DAZAP1: variants seen among roughly 807,000 people sequenced by gnomAD.
DAZAP1 encodes the protein DAZ associated protein 1, also known as DAZ-associated protein 1.
In DAZAP1, 6 loss-of-function variants were observed where a neutral mutation model predicts 60.1. The observed-to-expected ratio is 0.10, with a 90% CI of 0.05 to 0.20. DAZAP1 has a LOEUF of 0.20. Ranked by LOEUF, DAZAP1 falls within the 10% of genes least tolerant of loss-of-function variation. The probability of loss-of-function intolerance (pLI) is 1.00; values close to 1 mark genes in which losing one functional copy is unlikely to be tolerated. For missense variants in DAZAP1, 366 were observed against 560.4 expected (o/e 0.65, Z 3.50); for synonymous variants, 235 against 215.9 (o/e 1.09, Z -0.78).
At position 1,407,619 on chromosome 19, in the gene DAZAP1, A is replaced by AGCC. The variant is rs878911770; in HGVS notation, c.-114_-112dup. The AGCC allele has an allele frequency of 0.14, 34,149 of 239,236 alleles. 2,986 individuals are homozygous for AGCC. Among genetic ancestry groups the AGCC allele is most frequent in the East Asian group, 0.23 (1,268 of 5,580 alleles). 14.8% of individuals were successfully genotyped at this position (239,236 alleles called of 1,614,324 possible). ...ACCGTTGGCGCCGAGGGGAGGAGGC[A>AGCC]GCCGCCGCCGCCGCCGCCGCCGCCG... On this transcript the variant is annotated 5_prime_UTR_variant, in exon 1 of 12. Coordinates refer to ENST00000233078, the MANE Select transcript of DAZAP1 (RefSeq NM_018959.4).
intron 10 of DAZAP1, among the ~76,000 whole-genome samples, chr19:1,431,107 GTTTTA>G (rs1029171913): frequency 2.6e-5 from 4 of 151,082 alleles, no homozygotes; most frequent in African/African-American, 4.9e-5. Flanking sequence ...CACACCCAGA[GTTTTA>G]TTTTATTTTA....
In DAZAP1 at chr19:1,428,629, G is replaced by A. The variant is rs2083363755; in HGVS notation, c.547-213G>A. 1 of 618,422 alleles carries A rather than the reference G, an allele frequency of 1.6e-6. No individual in the cohort carries two copies. The highest frequency in any genetic ancestry group is 3.2e-5 in the East Asian group (1 of 31,482). 38.3% of individuals were successfully genotyped at this position (618,422 alleles called of 1,614,324 possible). On this transcript the variant is annotated intron_variant, in intron 7 of 11. Transcript: ENST00000233078. The surrounding 1 kb of genome is among the most constrained non-coding windows in gnomAD (Gnocchi z 4.0). ...TGTGTGTCTTACGGTTGCATCTGTT[G>A]TACCTGAGAAACATTTTTTAAACAA... is the stretch of plus-strand genomic sequence containing the variant.
intron 10 of DAZAP1, 118 bp downstream of exon 10, chr19:1,430,480 G>A (rs1038479643): frequency 3.7e-5 from 36 of 982,064 alleles, no homozygotes; most frequent in African/African-American, 5.2e-5. Flanking sequence ...GTGGGGTGCC[G>A]GCTGGTCAGC....
rs1243854520 is a variant in DAZAP1 at position 1,435,003 on chromosome 19, C to T, written c.*91C>T. ...CACAAACTTGGCGGCAAAGTGGCGACTCAACCTTGGGGGGGGGGGCGGGGG... is the reference window on the plus strand; with the variant it reads ...CACAAACTTGGCGGCAAAGTGGCGATTCAACCTTGGGGGGGGGGGCGGGGG... On this transcript the variant is annotated 3_prime_UTR_variant, in exon 12 of 12. Coordinates refer to ENST00000233078, the MANE Select transcript of DAZAP1 (RefSeq NM_018959.4). The T allele has an allele frequency of 1.6e-6, 1 of 630,778 alleles. No homozygotes were observed. Among genetic ancestry groups the T allele is most frequent in the African/African-American group, 2.7e-5 (1 of 37,636 alleles). 39.1% of individuals were successfully genotyped at this position (630,778 alleles called of 1,614,324 possible). A position where few individuals can be genotyped will look rare whatever the true frequency, so the allele number is the denominator to read the frequency against.
rs1006840266 is a variant in DAZAP1 at position 1,408,483 on chromosome 19, C to T, written c.29+681C>T. Among the ~76,000 whole-genome samples, 11 of 152,350 alleles carry T rather than the reference C, an allele frequency of 7.2e-5. No individual in the cohort carries two copies. In the South Asian group the frequency reaches 1.7e-3, roughly 23 times the overall value. On this transcript the variant is annotated intron_variant, in intron 1 of 11. Coordinates refer to ENST00000233078, the MANE Select transcript of DAZAP1 (RefSeq NM_018959.4). ...GCGAGCCGAGGCGAGGGTTCCGGTT[C>T]TGCCACCGCCCAACCTATCCCACTC...
At chr19:1,419,394 A>C (rs897885437) in intron 4 of DAZAP1, among the ~76,000 whole-genome samples, 1 of 152,210 alleles carries the variant, frequency 6.6e-6, no homozygotes, top group African/African-American at 2.4e-5. Flanking sequence ...GCCTCTCCAC[A>C]GTGTGGGCAG....
rs756604112 is a variant in DAZAP1 at position 1,433,823 on chromosome 19, C to T, written c.1049-914C>T. On this transcript the variant is annotated intron_variant, in intron 11 of 11. Transcript: ENST00000233078. This position sits in a 1 kb window ranked among gnomAD's most constrained non-coding sequence, Gnocchi z 6.1. Reference sequence around the variant, plus strand: ...ATGGTCAGGCTGAGCAGTGATGTGGCCTAGGTAGGTGCCGCCTCCTTCTCC... The same window carrying T: ...ATGGTCAGGCTGAGCAGTGATGTGGTCTAGGTAGGTGCCGCCTCCTTCTCC... 16 of 1,613,596 alleles carry T rather than the reference C, an allele frequency of 9.9e-6. No homozygotes were observed. The South Asian group carries it at 1.6e-4, about 17-fold the overall frequency.
Position 1,425,963 on chromosome 19 carries a change from G to A in DAZAP1, c.546+3G>A. 1 of 1,602,730 alleles carries A rather than the reference G, an allele frequency of 6.2e-7. No individual in the cohort carries two copies. On this transcript the variant is annotated splice_donor_region_variant and intron_variant, in intron 7 of 11. Coordinates refer to ENST00000233078, the MANE Select transcript of DAZAP1 (RefSeq NM_018959.4). This position sits in a 1 kb window ranked among gnomAD's most constrained non-coding sequence, Gnocchi z 5.4. The stretch of plus-strand genomic sequence containing the variant: ...TTCACGACATCATGGGCAAAAAAGT[G>A]TGTAGTTGTAGTTTTATTTTACCTT...
intron 5 of DAZAP1, among the ~76,000 whole-genome samples, chr19:1,421,509 G>A (rs956668510): frequency 1.3e-5 from 2 of 152,270 alleles, no homozygotes; most frequent in African/African-American, 4.8e-5. Flanking sequence ...CAGGGCGGCC[G>A]CCCGATTCCA....
Position 1,434,913 on chromosome 19 carries a change from C to T in DAZAP1, c.*1C>T. On this transcript the variant is annotated 3_prime_UTR_variant, in exon 12 of 12. Coordinates refer to ENST00000233078, the MANE Select transcript of DAZAP1 (RefSeq NM_018959.4). The surrounding 1 kb of genome is among the most constrained non-coding windows in gnomAD (Gnocchi z 8.0). ...AGGGTTCCACCCCTACCGACGCTAG[C>T]CCGCGGCGCCGCGACGTCTGCACGG... 1 of 1,452,374 alleles carries T rather than the reference C, an allele frequency of 6.9e-7. No individual in the cohort carries two copies. Among genetic ancestry groups the T allele is most frequent in the Non-Finnish European group, 9.1e-7 (1 of 1,101,394 alleles). 90.0% of individuals were successfully genotyped at this position (1,452,374 alleles called of 1,614,324 possible).
intron 4 of DAZAP1, among the ~76,000 whole-genome samples, chr19:1,419,475 G>A (rs572926772): frequency 1.3e-5 from 2 of 152,296 alleles, no homozygotes; most frequent in South Asian, 4.1e-4. Context: ...CGGAGGGTGC[G>A]TCTCCTAAAA....
chr19:1,412,602 C>G (rs2082862762), intron 1 of DAZAP1, among the ~76,000 whole-genome samples: 1 of 152,242 alleles, frequency 6.6e-6, no homozygotes, highest in African/African-American at 2.4e-5. Context: ...TTTTGAAGCC[C>G]ACTCTGGTGC....
At chr19:1,413,112 C>G (rs1000302482) in intron 1 of DAZAP1, among the ~76,000 whole-genome samples, 4 of 152,222 alleles carry the variant, frequency 2.6e-5, no homozygotes, top group Admixed American at 6.5e-5. Flanking sequence ...CCAGTGTTGC[C>G]TTGCCCCGTT....
intron 2 of DAZAP1, among the ~76,000 whole-genome samples, chr19:1,417,915 G>A (rs2083034386): frequency 6.6e-6 from 1 of 151,948 alleles, no homozygotes; most frequent in African/African-American, 2.4e-5. Flanking sequence ...AGCATTCAGA[G>A]TTGTCTTGTT....
chr19:1,408,239 G>T (rs543075843), intron 1 of DAZAP1, among the ~76,000 whole-genome samples: 1 of 152,134 alleles, frequency 6.6e-6, no homozygotes, highest in African/African-American at 2.4e-5. Flanking sequence ...TGGCGGCCCC[G>T]AACGGGAACT....
At position 1,418,641 on chromosome 19, in the gene DAZAP1, C is replaced by G. The variant is rs2083057879; in HGVS notation, c.238-25C>G. ...TAGAGAAACAGCCTCTTATTCACAACCAGCTGATTTGAAATTTCCTGCAGA... is the reference window on the plus strand; with the variant it reads ...TAGAGAAACAGCCTCTTATTCACAAGCAGCTGATTTGAAATTTCCTGCAGA... On this transcript the variant is annotated intron_variant, in intron 3 of 11. Coordinates refer to ENST00000233078, the MANE Select transcript of DAZAP1 (RefSeq NM_018959.4). The surrounding 1 kb of genome is among the most constrained non-coding windows in gnomAD (Gnocchi z 5.7). The G allele has an allele frequency of 6.2e-7, 1 of 1,613,934 alleles. No individual in the cohort carries two copies. Among genetic ancestry groups the G allele is most frequent in the East Asian group, 2.2e-5 (1 of 44,862 alleles).
chr19:1,414,114 C>G (rs1256290216), intron 1 of DAZAP1, among the ~76,000 whole-genome samples: 1 of 151,692 alleles, frequency 6.6e-6, no homozygotes, highest in Non-Finnish European at 1.5e-5. Flanking sequence ...CTCCCGGGTT[C>G]AAGCAGTACA....
chr19:1,433,532 G>T lies in DAZAP1; in HGVS notation c.1048+842G>T. On this transcript the variant is annotated intron_variant, in intron 11 of 11. Transcript: ENST00000233078. The surrounding 1 kb of genome is among the most constrained non-coding windows in gnomAD (Gnocchi z 6.1). ...GCCGAGGTGCCCGCCCACCCACCTC[G>T]CATGGCTGTGGTTCCCCTGCCCCCA... 4.1e-6 allele frequency: 2 copies of T among 490,050 alleles called. 1 individual carries two copies. The allele number at this position is 490,050 out of a possible 1,614,324, so 30.4% of individuals were successfully genotyped here.
chr19:1,433,105 G>A lies in DAZAP1; in HGVS notation c.1048+415G>A, dbSNP rs2083496619. 5.0e-6 allele frequency: 1 copy of A among 199,066 alleles called. No homozygotes were observed. The highest frequency in any genetic ancestry group is 1.0e-5 in the Non-Finnish European group (1 of 96,926). The allele number at this position is 199,066 out of a possible 1,614,324, so 12.3% of individuals were successfully genotyped here. On this transcript the variant is annotated intron_variant, in intron 11 of 11. Coordinates refer to ENST00000233078, the MANE Select transcript of DAZAP1 (RefSeq NM_018959.4). The surrounding 1 kb of genome is among the most constrained non-coding windows in gnomAD (Gnocchi z 6.1). ...CTGCTGGGTCCAGACCCCGCTTGGG[G>A]CAGAAGCTGGGTCTGTAGTAGGCGT...
Sources: gnomAD v4.1 joint callset for allele counts (sites outside exome capture counted in the v4.1 genomes callset) on GRCh38, gnomAD v4.1.1 for gene constraint, Gnocchi (gnomAD v3.1) non-coding constraint, MANE v1.5 for transcripts, NCBI Gene and HGNC (gene_info 2026-07-23, HGNC 2026-07-21) for gene names.